Variants in FHIT observed in about 807,000 individuals in gnomAD.
The protein encoded by FHIT is fragile histidine triad diadenosine triphosphatase, also known as bis(5'-adenosyl)-triphosphatase.
Under a neutral mutation model 17.9 loss-of-function variants are expected in FHIT, and 19 were observed. The ratio of observed to expected loss-of-function variants is 1.06; its 90% CI spans 0.74 to 1.56. FHIT has a LOEUF of 1.56. FHIT is among the 40% of genes most tolerant of loss of function. FHIT has a pLI of 0.00. For synonymous variants in FHIT, 81 were observed against 69.7 expected, an observed-to-expected ratio of 1.16 and a Z score of -0.81; for missense variants, 248 against 189.2, an observed-to-expected ratio of 1.31 and a Z score of -1.82.
intron 5 of FHIT, among the ~76,000 whole-genome samples, chr3:60,495,123 C>T (rs1048201505): frequency 9.9e-5 from 15 of 152,138 alleles, no homozygotes; most frequent in Admixed American, 8.5e-4. Context: ...TCTACATCCC[C>T]GCCAGCATTT....
intron 2 of FHIT, among the ~76,000 whole-genome samples, chr3:61,068,366 C>T (rs1051703878): frequency 3.3e-5 from 5 of 152,194 alleles, no homozygotes; most frequent in African/African-American, 1.2e-4. Context: ...TAAAGGCCTT[C>T]CACATTTGTT....
intron 7 of FHIT, among the ~76,000 whole-genome samples, chr3:59,965,374 A>C (rs1325419187): frequency 6.6e-6 from 1 of 152,178 alleles, no homozygotes; most frequent in Non-Finnish European, 1.5e-5. Context: ...AATCTCACAG[A>C]ACTACATAAA....
intron 5 of FHIT, among the ~76,000 whole-genome samples, chr3:60,292,590 G>T (rs1174501380): frequency 6.6e-6 from 1 of 152,176 alleles, no homozygotes; most frequent in African/African-American, 2.4e-5. Context: ...AAAACTGTGT[G>T]AAACAGCCAT....
intron 4 of FHIT, among the ~76,000 whole-genome samples, chr3:60,735,195 A>G (rs922259844): frequency 6.6e-6 from 1 of 152,240 alleles, no homozygotes; most frequent in African/African-American, 2.4e-5. Context: ...ACAGACAGGA[A>G]ACCAGTAAAT....
chr3:60,060,925 G>A (rs1339181028), intron 5 of FHIT, among the ~76,000 whole-genome samples: 1 of 152,162 alleles, frequency 6.6e-6, no homozygotes, highest in African/African-American at 2.4e-5. Context: ...AATGAAGGTG[G>A]GGTAAATGTG....
intron 3 of FHIT, among the ~76,000 whole-genome samples, chr3:60,997,762 C>T (rs1213185837): frequency 6.6e-6 from 1 of 152,146 alleles, no homozygotes; most frequent in Non-Finnish European, 1.5e-5. Context: ...GCCTTGGAGC[C>T]TCAGTTTTCT....
chr3:59,990,609 G>A (rs1024842113), intron 7 of FHIT, among the ~76,000 whole-genome samples: 2 of 151,962 alleles, frequency 1.3e-5, no homozygotes, highest in Non-Finnish European at 1.5e-5. Flanking sequence ...ACTGCATCAT[G>A]ATAACTCTTG....
At chr3:60,597,165 T>C (rs1390426296) in intron 4 of FHIT, among the ~76,000 whole-genome samples, 2 of 152,044 alleles carry the variant, frequency 1.3e-5, no homozygotes, top group Non-Finnish European at 2.9e-5. Context: ...GAGGAGAAAG[T>C]GTACAGAAAA....
At chr3:60,831,027 A>C (rs782380350) in intron 3 of FHIT, among the ~76,000 whole-genome samples, 11 of 152,198 alleles carry the variant, frequency 7.2e-5, no homozygotes, top group Non-Finnish European at 1.2e-4. Flanking sequence ...AAAATCTTTA[A>C]GATTAAATTA....
intron 7 of FHIT, among the ~76,000 whole-genome samples, chr3:59,922,957 C>T (rs1185204679): frequency 6.6e-6 from 1 of 151,958 alleles, no homozygotes; most frequent in Non-Finnish European, 1.5e-5. Flanking sequence ...TCATTTAGTA[C>T]TCTTAAAAAT....
intron 5 of FHIT, among the ~76,000 whole-genome samples, chr3:60,055,882 C>G (rs886814821): frequency 6.6e-6 from 1 of 152,164 alleles, no homozygotes. Flanking sequence ...TCGAAGGTAC[C>G]AAACAAGTGG....
At chr3:60,217,449 CT>C (rs754482125) in intron 5 of FHIT, among the ~76,000 whole-genome samples, 4 of 152,192 alleles carry the variant, frequency 2.6e-5, no homozygotes, top group Non-Finnish European at 5.9e-5. Context: ...GTTTCTTAAA[CT>C]GTTTTCCTAT....
intron 3 of FHIT, among the ~76,000 whole-genome samples, chr3:60,991,333 G>GT (rs1234719120): frequency 1.3e-5 from 2 of 152,228 alleles, no homozygotes; most frequent in African/African-American, 4.8e-5. Flanking sequence ...AGGTCAGGGA[G>GT]TGGGGGCAGG....
chr3:60,047,877 C>T (rs968299138), intron 5 of FHIT, among the ~76,000 whole-genome samples: 1 of 152,152 alleles, frequency 6.6e-6, no homozygotes, highest in African/African-American at 2.4e-5. Flanking sequence ...GTACCTAAAG[C>T]TATCTGATGT....
At chr3:61,216,963 G>A (rs1255437849) in intron 1 of FHIT, among the ~76,000 whole-genome samples, 1 of 145,372 alleles carries the variant, frequency 6.9e-6, no homozygotes, top group East Asian at 2.2e-4. Flanking sequence ...ATGGACACAG[G>A]AAGGGGAATA....
At chr3:60,590,140 T>G (rs781791474) in intron 4 of FHIT, among the ~76,000 whole-genome samples, 2 of 152,060 alleles carry the variant, frequency 1.3e-5, no homozygotes, top group South Asian at 2.1e-4. Flanking sequence ...GTAATTCAAT[T>G]AGAAATTTTT....
At chr3:60,697,693 A>T (rs542880494) in intron 4 of FHIT, among the ~76,000 whole-genome samples, 45 of 152,254 alleles carry the variant, frequency 3.0e-4, no homozygotes, top group Middle Eastern at 3.4e-3. Context: ...ATTTCATTTC[A>T]TATTCTATTA....
At chr3:61,086,311 A>T (rs903658376) in intron 2 of FHIT, among the ~76,000 whole-genome samples, 1 of 152,200 alleles carries the variant, frequency 6.6e-6, no homozygotes, top group Admixed American at 6.5e-5. Context: ...TCAGGATTAG[A>T]TGTTGAATTT....
chr3:60,595,541 G>A lies in FHIT; in HGVS notation c.-17-58562C>T, dbSNP rs202015404. ...TATATGGACACACACACATATATAT[G>A]TGTGTGTATATATGGACATATGTGT... is the stretch of plus-strand genomic sequence containing the variant. On this transcript the variant is annotated intron_variant, in intron 4 of 9. Transcript: ENST00000492590. 1.0e-4 allele frequency among the ~76,000 whole-genome samples: 7 copies of A among 68,010 alleles called. 1 individual carries two copies. The highest frequency in any genetic ancestry group is 1.3e-4 in the Non-Finnish European group (4 of 31,200). The allele number at this position is 68,010 out of a possible 152,430, so 44.6% of individuals were successfully genotyped here. A position where few individuals can be genotyped will look rare whatever the true frequency, so the allele number is the denominator to read the frequency against.
Sources: allele counts gnomAD v4.1 joint callset (sites outside exome capture counted in the v4.1 genomes callset), GRCh38; gene constraint gnomAD v4.1.1; transcripts MANE v1.5; gene names NCBI Gene and HGNC (gene_info 2026-07-23, HGNC 2026-07-21).